SERBP1: variants seen among roughly 807,000 people sequenced by gnomAD.
SERBP1 encodes the protein SERPINE1 mRNA-binding protein 1.
A neutral mutation model predicts 50.2 loss-of-function variants in SERBP1; 6 were observed. The observed-to-expected ratio is 0.12, with a 90% confidence interval of 0.07 to 0.24. SERBP1 has a LOEUF of 0.24. Among genes scored for constraint, SERBP1 ranks in the 10% least tolerant of loss-of-function variants. SERBP1 has a pLI of 1.00. For synonymous variants in SERBP1, 168 were observed against 182.8 expected (o/e 0.92, Z 0.65); for missense variants, 346 against 524.9 (o/e 0.66, Z 3.33).
At chr1:67,425,966 T>G (rs898029708) in intron 2 of SERBP1, among the ~76,000 whole-genome samples, 169 bp downstream of exon 2, 6 of 152,034 alleles carry the variant, frequency 3.9e-5, no homozygotes, top group Non-Finnish European at 7.4e-5. Context: ...CAAAAAAAAT[T>G]AGCAGTGTGG....
intron 7 of SERBP1, among the ~76,000 whole-genome samples, chr1:67,414,932 C>A (rs912079675): frequency 1.3e-5 from 2 of 152,158 alleles, no homozygotes; most frequent in African/African-American, 4.8e-5. Context: ...CCTAGCCCAG[C>A]ACCATGACCG....
chr1:67,407,915 C>T lies in SERBP1; in HGVS notation c.*5292G>A, dbSNP rs1412980744. The T allele has an allele frequency of 6.6e-6, 1 of 152,198 alleles. No individual in the cohort carries two copies. The highest frequency in any genetic ancestry group is 1.5e-5 in the Non-Finnish European group (1 of 68,018). 9.4% of individuals were successfully genotyped at this position (152,198 alleles called of 1,614,324 possible). A position where few individuals can be genotyped will look rare whatever the true frequency, so the allele number is the denominator to read the frequency against. ...AGGCAAATGTCAAGAACCAAGTTAA[C>T]CAAAACCGCTTTAAACAGAATCTTC... On this transcript the variant is annotated 3_prime_UTR_variant, in exon 8 of 8. Transcript: ENST00000361219.
At chr1:67,428,596 T>C (rs975820566) in intron 1 of SERBP1, among the ~76,000 whole-genome samples, 2 of 152,210 alleles carry the variant, frequency 1.3e-5, no homozygotes, top group Admixed American at 1.3e-4. Flanking sequence ...AAGAGATACT[T>C]GGCCTAAGTG....
At chr1:67,415,058 C>T (rs1666957533) in intron 7 of SERBP1, 108 bp downstream of exon 7, 3 of 1,244,034 alleles carry the variant, frequency 2.4e-6, no homozygotes, top group East Asian at 5.1e-5. Flanking sequence ...CTTAAAGACA[C>T]TGCTACTACT....
intron 5 of SERBP1, 143 bp from the exon 6 acceptor site, chr1:67,420,329 C>CT (rs1194483486): frequency 2.9e-6 from 2 of 698,532 alleles, no homozygotes; most frequent in African/African-American, 3.7e-5. Context: ...CCCTAGTTTC[C>CT]TATGTAACTA....
intron 7 of SERBP1, 25 bp from the exon 8 acceptor site, chr1:67,413,288 CCA>C (rs760753586): frequency 1.9e-6 from 3 of 1,561,376 alleles, no homozygotes; most frequent in South Asian, 1.2e-5. Flanking sequence ...CCAAAATTAA[CCA>C]CAGTTCTCAG....
At chr1:67,424,106 T>C (rs1333440448) in intron 5 of SERBP1, 94 bp downstream of exon 5, 1 of 1,295,128 alleles carries the variant, frequency 7.7e-7, no homozygotes, top group Non-Finnish European at 1.0e-6. Flanking sequence ...CAAAAAGCCA[T>C]CAAGTAACAG....
chr1:67,418,267 C>T (rs1320277435), intron 6 of SERBP1, among the ~76,000 whole-genome samples: 3 of 151,920 alleles, frequency 2.0e-5, no homozygotes, highest in East Asian at 1.9e-4. Context: ...TGAGCCACTG[C>T]GCCTGGCTGA....
Position 67,411,817 on chromosome 1 carries a change from T to A in SERBP1, c.*1390A>T, listed in dbSNP as rs1666853878. 6.6e-6 allele frequency: 1 copy of A among 152,228 alleles called. No homozygotes were observed. Among genetic ancestry groups the A allele is most frequent in the African/African-American group, 2.4e-5 (1 of 41,468 alleles). The allele number at this position is 152,228 out of a possible 1,614,324, so 9.4% of individuals were successfully genotyped here. ...TCTTAAAAATTTTTTAAAAATTCCT[T>A]CACTGTTTATCAATAAATGTGGCAG... On this transcript the variant is annotated 3_prime_UTR_variant, in exon 8 of 8. Transcript: ENST00000361219.
chr1:67,419,203 C>T (rs1667126838), intron 6 of SERBP1, among the ~76,000 whole-genome samples: 1 of 152,196 alleles, frequency 6.6e-6, no homozygotes, highest in South Asian at 2.1e-4. Context: ...GATCCAGTTC[C>T]ACTTAATGAA....
intron 4 of SERBP1, 128 bp from the exon 5 acceptor site, chr1:67,424,405 C>A: frequency 8.2e-7 from 1 of 1,217,170 alleles, no homozygotes; most frequent in Non-Finnish European, 1.1e-6. Flanking sequence ...ACCATAAGCT[C>A]TCACATTCTC....
At chr1:67,426,089 T>C in intron 2 of SERBP1, 46 bp downstream of exon 2, 7 of 1,541,656 alleles carry the variant, frequency 4.5e-6, no homozygotes, top group Non-Finnish European at 6.2e-6. Context: ...CACTCCAGCC[T>C]ACATGTTAGA....
At chr1:67,423,606 CA>C (rs1557505721) in intron 5 of SERBP1, among the ~76,000 whole-genome samples, 1 of 130,902 alleles carries the variant, frequency 7.6e-6, no homozygotes, top group African/African-American at 2.8e-5. Flanking sequence ...AATCTTGTCT[CA>C]AAAAAAGAAA....
chr1:67,421,474 G>A (rs1292393221), intron 5 of SERBP1, among the ~76,000 whole-genome samples: 1 of 152,268 alleles, frequency 6.6e-6, no homozygotes, highest in Admixed American at 6.5e-5. Context: ...TTCTCCCCTA[G>A]TCTGGAATAA....
chr1:67,429,380 G>A (rs557869189), intron 1 of SERBP1: 1 of 152,396 alleles, frequency 6.6e-6, no homozygotes. Context: ...TTATGAGAAA[G>A]TCCTAACAGT....
intron 4 of SERBP1, 88 bp from the exon 5 acceptor site, chr1:67,424,365 A>T (rs775841202): frequency 6.5e-7 from 1 of 1,536,402 alleles, no homozygotes; most frequent in African/African-American, 1.4e-5. Context: ...GTCCATTTAC[A>T]TGTAGCTGAA....
intron 5 of SERBP1, among the ~76,000 whole-genome samples, chr1:67,423,583 G>A (rs1161817051): frequency 6.6e-6 from 1 of 150,700 alleles, no homozygotes; most frequent in African/African-American, 2.4e-5. Flanking sequence ...CTCCAGCCTC[G>A]GCAACAGAAT....
chr1:67,419,297 T>C (rs1667129181), intron 6 of SERBP1, among the ~76,000 whole-genome samples: 1 of 152,258 alleles, frequency 6.6e-6, no homozygotes, highest in Admixed American at 6.5e-5. Context: ...CAAAATGTGT[T>C]AACTGGTTAT....
intron 1 of SERBP1, 127 bp downstream of exon 1, chr1:67,429,861 G>A (rs925306733): frequency 4.3e-5 from 46 of 1,075,332 alleles, no homozygotes; most frequent in Non-Finnish European, 5.8e-5. Flanking sequence ...GTCGCGTGAA[G>A]AAACGTGAGG....
Sources: allele counts gnomAD v4.1 joint callset (sites outside exome capture counted in the v4.1 genomes callset), GRCh38; gene constraint gnomAD v4.1.1; transcripts MANE v1.5; gene names NCBI Gene and HGNC (gene_info 2026-07-23, HGNC 2026-07-21).